The following YY1 variants were observed in gnomAD, a reference collection of about 807,000 sequenced individuals.
YY1 encodes the protein transcriptional repressor protein YY1.
YY1 carries 2 observed loss-of-function variants against 35.6 expected under a neutral mutation model. The observed-to-expected ratio is 0.06, with a 90% confidence interval of 0.02 to 0.18. The LOEUF is 0.18. Ranked by LOEUF, YY1 falls within the 10% of genes least tolerant of loss-of-function variation. The pLI, the probability that YY1 is intolerant of heterozygous loss-of-function variation, is 1.00. For synonymous variants in YY1, 268 were observed against 238.9 expected (o/e 1.12, Z -1.12); for missense variants, 322 against 573.4 (o/e 0.56, Z 4.48).
intron 1 of YY1, among the ~76,000 whole-genome samples, chr14:100,242,935 C>T (rs1051000489): frequency 2.0e-5 from 3 of 152,030 alleles, no homozygotes; most frequent in African/African-American, 7.2e-5. Context: ...TTCTTTAAAG[C>T]GCTGGTTGTC....
chr14:100,245,098 G>A (rs981317684), intron 1 of YY1, among the ~76,000 whole-genome samples: 6 of 151,818 alleles, frequency 4.0e-5, no homozygotes, highest in Non-Finnish European at 8.8e-5. Context: ...TGCCACACCC[G>A]GCTAATTTTT....
chr14:100,242,355 G>T (rs1890759690), intron 1 of YY1, among the ~76,000 whole-genome samples: 1 of 150,004 alleles, frequency 6.7e-6, no homozygotes, highest in African/African-American at 2.5e-5. Context: ...AAGTGTGCAA[G>T]TGGCTGTTTT....
intron 2 of YY1, among the ~76,000 whole-genome samples, chr14:100,269,067 C>T (rs988932780): frequency 6.6e-6 from 1 of 152,122 alleles, no homozygotes; most frequent in South Asian, 2.1e-4. Context: ...AGTGTATTCT[C>T]CCTCTCTATT....
At chr14:100,247,216 C>G (rs1890846530) in intron 1 of YY1, among the ~76,000 whole-genome samples, 2 of 152,278 alleles carry the variant, frequency 1.3e-5, no homozygotes, top group African/African-American at 4.8e-5. Flanking sequence ...TGTTTTAAGG[C>G]TGGGAAACTT....
rs530965397 is a variant in YY1 at position 100,260,462 on chromosome 14, T to C, written c.680-1842T>C. On this transcript the variant is annotated intron_variant, in intron 1 of 4. Coordinates refer to ENST00000262238, the MANE Select transcript of YY1 (RefSeq NM_003403.5). ...ATATATATATACACACACACACACATATATGTATTTTTTTTTTTTTTCTTT... is the reference window on the plus strand; with the variant it reads ...ATATATATATACACACACACACACACATATGTATTTTTTTTTTTTTTCTTT... 4.1e-4 allele frequency among the ~76,000 whole-genome samples: 48 copies of C among 116,696 alleles called. No individual in the cohort carries two copies. The South Asian group carries it at 5.2e-3, about 13-fold the overall frequency. 76.6% of individuals were successfully genotyped at this position (116,696 alleles called of 152,430 possible). A position where few individuals can be genotyped will look rare whatever the true frequency, so the allele number is the denominator to read the frequency against.
At chr14:100,250,875 T>C (rs904259573) in intron 1 of YY1, among the ~76,000 whole-genome samples, 1 of 148,928 alleles carries the variant, frequency 6.7e-6, no homozygotes, top group Non-Finnish European at 1.5e-5. Context: ...CATGGTGGCA[T>C]GTGCTTTTGT....
In YY1 at chr14:100,276,696, A is replaced by C; in HGVS notation, c.1062+48A>C. On this transcript the variant is annotated intron_variant, in intron 4 of 4. Transcript: ENST00000262238. The surrounding 1 kb of genome is among the most constrained non-coding windows in gnomAD (Gnocchi z 4.1). The stretch of plus-strand genomic sequence containing the variant: ...CCCACACTGCCTTGCCTGTCTGAAC[A>C]CTGCAAGTGTAGGTGGTGTGGTGAT... The C allele has an allele frequency of 6.2e-7, 1 of 1,613,202 alleles. No individual in the cohort carries two copies.
intron 2 of YY1, 60 bp downstream of exon 2, chr14:100,262,526 A>G (rs1660655125): frequency 1.3e-6 from 2 of 1,568,004 alleles, no homozygotes; most frequent in Non-Finnish European, 1.8e-6. Context: ...CTTGCCAGCT[A>G]TGTTTTCCTG....
Position 100,276,458 on chromosome 14 carries a change from G to T in YY1, c.904-32G>T. On this transcript the variant is annotated intron_variant, in intron 3 of 4. Coordinates refer to ENST00000262238, the MANE Select transcript of YY1 (RefSeq NM_003403.5). This position sits in a 1 kb window ranked among gnomAD's most constrained non-coding sequence, Gnocchi z 4.1. ...TGAATCCTTTCTAACAGTTTGCAAT[G>T]TGAACTTCTAAGCTGCTTTCTCTGT... 6.2e-7 allele frequency: 1 copy of T among 1,614,136 alleles called. No homozygotes were observed. The highest frequency in any genetic ancestry group is 8.5e-7 in the Non-Finnish European group (1 of 1,179,998).
intron 1 of YY1, 104 bp from the exon 2 acceptor site, chr14:100,262,200 G>T: frequency 8.1e-7 from 1 of 1,236,996 alleles, no homozygotes; most frequent in Non-Finnish European, 1.2e-6. Flanking sequence ...AAATTGAGCT[G>T]GTGGCTATAA....
intron 1 of YY1, among the ~76,000 whole-genome samples, chr14:100,243,500 CA>C (rs902888716): frequency 3.3e-5 from 5 of 152,102 alleles, no homozygotes; most frequent in African/African-American, 4.8e-5. Context: ...GTTTAAAAAG[CA>C]AAAAGATCAG....
At chr14:100,240,796 CT>C (rs984993837) in intron 1 of YY1, among the ~76,000 whole-genome samples, 131 of 146,590 alleles carry the variant, frequency 8.9e-4, no homozygotes, top group Admixed American at 7.5e-4. Flanking sequence ...TTTGGGAAAG[CT>C]TTTTTTTTTT....
At position 100,276,309 on chromosome 14, in the gene YY1, T is replaced by C. The variant is rs1364757800; in HGVS notation, c.904-181T>C. On this transcript the variant is annotated intron_variant, in intron 3 of 4. Coordinates refer to ENST00000262238, the MANE Select transcript of YY1 (RefSeq NM_003403.5). This position sits in a 1 kb window ranked among gnomAD's most constrained non-coding sequence, Gnocchi z 4.1. The stretch of plus-strand genomic sequence containing the variant: ...CTAGGGTTTGCATTGAATGATGACT[T>C]TTTCAGCTGTCTGCTTTTTGTCTTA... 2.5e-6 allele frequency: 2 copies of C among 811,860 alleles called. No individual in the cohort carries two copies. Among genetic ancestry groups the C allele is most frequent in the Non-Finnish European group, 3.8e-6 (2 of 525,044 alleles). The allele number at this position is 811,860 out of a possible 1,614,324, so 50.3% of individuals were successfully genotyped here.
At chr14:100,258,775 T>C (rs1016933515) in intron 1 of YY1, among the ~76,000 whole-genome samples, 2 of 152,258 alleles carry the variant, frequency 1.3e-5, no homozygotes, top group African/African-American at 4.8e-5. Context: ...TAATGATGTA[T>C]AATTATATTT....
At chr14:100,251,146 T>G (rs904312607) in intron 1 of YY1, among the ~76,000 whole-genome samples, 5 of 152,214 alleles carry the variant, frequency 3.3e-5, no homozygotes, top group Admixed American at 3.3e-4. Context: ...TATTTGCAAG[T>G]GTGATTAAAC....
intron 1 of YY1, among the ~76,000 whole-genome samples, chr14:100,249,748 GTT>G (rs57119106): frequency 1.4e-5 from 2 of 141,028 alleles, no homozygotes; most frequent in Non-Finnish European, 3.1e-5. Flanking sequence ...GCTACTTACC[GTT>G]TTTTTTTTTG....
At chr14:100,257,219 A>C (rs1891017519) in intron 1 of YY1, among the ~76,000 whole-genome samples, 1 of 152,118 alleles carries the variant, frequency 6.6e-6, no homozygotes, top group African/African-American at 2.4e-5. Flanking sequence ...CCCACTCAAG[A>C]AGTATTTCCT....
At position 100,278,582 on chromosome 14, in the gene YY1, T is replaced by C. The variant is rs1489494140; in HGVS notation, c.*982T>C. 2 of 152,372 alleles carry C rather than the reference T, an allele frequency of 1.3e-5. No individual in the cohort carries two copies. The highest frequency in any genetic ancestry group is 2.9e-5 in the Non-Finnish European group (2 of 68,032). 9.4% of individuals were successfully genotyped at this position (152,372 alleles called of 1,614,324 possible). On this transcript the variant is annotated 3_prime_UTR_variant, in exon 5 of 5. Coordinates refer to ENST00000262238, the MANE Select transcript of YY1 (RefSeq NM_003403.5). ...GGAAGCTAAATAAAGCAACTCAAGT[T>C]TCCTTTATTTTGCACTCAATTACAG...
intron 1 of YY1, among the ~76,000 whole-genome samples, chr14:100,262,088 T>C (rs1311302821): frequency 6.6e-6 from 1 of 151,554 alleles, no homozygotes; most frequent in Non-Finnish European, 1.5e-5. Flanking sequence ...AGTTTGAGGC[T>C]GAATGAGCCG....
Sources: gnomAD v4.1 joint callset for allele counts (sites outside exome capture counted in the v4.1 genomes callset) on GRCh38, gnomAD v4.1.1 for gene constraint, Gnocchi (gnomAD v3.1) non-coding constraint, MANE v1.5 for transcripts, NCBI Gene and HGNC (gene_info 2026-07-23, HGNC 2026-07-21) for gene names.